CAST: variants seen among roughly 807,000 people sequenced by gnomAD.
CAST encodes MIR583 host.
A neutral mutation model predicts 119.6 loss-of-function variants in CAST; 76 were observed. The ratio of observed to expected loss-of-function variants is 0.64; its 90% CI spans 0.53 to 0.77. The LOEUF is 0.77. Among genes scored for constraint, CAST ranks in the 30% least tolerant of loss-of-function variants. The pLI is 0.00. For missense variants in CAST, 953 were observed against 946.5 expected, an observed-to-expected ratio of 1.01 and a Z score of -0.09; for synonymous variants, 319 against 331.6, an observed-to-expected ratio of 0.96 and a Z score of 0.41.
At chr5:96,576,047 T>C (rs897838020) in intron 1 of CAST, among the ~76,000 whole-genome samples, 2 of 152,260 alleles carry the variant, frequency 1.3e-5, no homozygotes, top group Non-Finnish European at 2.9e-5. Flanking sequence ...CAGCCTTGCA[T>C]ACCCAGAATA....
At chr5:96,509,571 G>T in the CAST span, among the ~76,000 whole-genome samples, 1 of 152,106 alleles carries the variant, frequency 6.6e-6, no homozygotes, top group Non-Finnish European at 1.5e-5. Context: ...TCCATCTTTG[G>T]CCAAAGAAAT....
the CAST span, among the ~76,000 whole-genome samples, chr5:96,060,919 T>C: frequency 1.3e-5 from 2 of 152,174 alleles, no homozygotes; most frequent in Non-Finnish European, 2.9e-5. Context: ...GGTGCTCTTC[T>C]TGGCTTGCAG....
intron 1 of CAST, among the ~76,000 whole-genome samples, chr5:96,547,685 C>T (rs1443849226): frequency 6.6e-6 from 1 of 152,202 alleles, no homozygotes. Flanking sequence ...CAATTGGAGT[C>T]ACTCCCTGAT....
intron 26 of CAST, 121 bp from the exon 27 acceptor site, chr5:96,765,932 A>G (rs1378562703): frequency 1.4e-5 from 9 of 628,006 alleles, no homozygotes; most frequent in Non-Finnish European, 1.7e-5. Context: ...TAAAAAATAA[A>G]AACAGACCAT....
At chr5:96,620,783 G>T (rs1264120548) in intron 1 of CAST, among the ~76,000 whole-genome samples, 1 of 152,174 alleles carries the variant, frequency 6.6e-6, no homozygotes, top group Admixed American at 6.5e-5. Context: ...TATTGGCATA[G>T]CTTTTGGGGG....
chr5:96,257,935 A>T, the CAST span, among the ~76,000 whole-genome samples: 1 of 152,208 alleles, frequency 6.6e-6, no homozygotes, highest in Non-Finnish European at 1.5e-5. Flanking sequence ...ATACAAAGTC[A>T]TGCAAAGGAA....
upstream of CAST, among the ~76,000 whole-genome samples, chr5:96,529,372 GTT>G (rs11397914): frequency 5.5e-5 from 8 of 146,372 alleles, no homozygotes; most frequent in African/African-American, 1.8e-4. Flanking sequence ...TAATCATTGG[GTT>G]TTTTTTTTTT....
At chr5:96,587,521 G>A (rs1746882204) in intron 1 of CAST, among the ~76,000 whole-genome samples, 1 of 152,186 alleles carries the variant, frequency 6.6e-6, no homozygotes, top group South Asian at 2.1e-4. Flanking sequence ...GTGATGAGAG[G>A]GTTGTTGGGA....
the CAST span, among the ~76,000 whole-genome samples, chr5:96,072,557 T>C: frequency 1.2e-4 from 18 of 152,324 alleles, no homozygotes; most frequent in African/African-American, 4.1e-4. Context: ...GTTTTACATA[T>C]TGAGTTTCAG....
the CAST span, among the ~76,000 whole-genome samples, chr5:96,379,051 A>G: frequency 6.6e-6 from 1 of 152,170 alleles, no homozygotes; most frequent in East Asian, 1.9e-4. Context: ...GCAATTAGTT[A>G]TACTCTCTCA....
the CAST span, among the ~76,000 whole-genome samples, chr5:96,454,094 T>C: frequency 6.6e-6 from 1 of 152,162 alleles, no homozygotes; most frequent in African/African-American, 2.4e-5. Flanking sequence ...ATATATCTTT[T>C]TTTTTCCAAC....
the CAST span, among the ~76,000 whole-genome samples, chr5:96,406,614 G>A: frequency 1.5e-4 from 23 of 152,146 alleles, no homozygotes; most frequent in Non-Finnish European, 2.6e-4. Flanking sequence ...GGATCCTAGA[G>A]ATAAACTGGA....
chr5:96,018,492 G>T, the CAST span, among the ~76,000 whole-genome samples: 1 of 152,038 alleles, frequency 6.6e-6, no homozygotes, highest in Non-Finnish European at 1.5e-5. Flanking sequence ...CCTAGACAAT[G>T]CAAAAAAGGG....
At chr5:96,356,047 T>C in the CAST span, among the ~76,000 whole-genome samples, 7 of 152,194 alleles carry the variant, frequency 4.6e-5, no homozygotes, top group Non-Finnish European at 1.0e-4. Flanking sequence ...CATGAGATGG[T>C]ATCTCATTGT....
intron 16 of CAST, among the ~76,000 whole-genome samples, chr5:96,742,974 C>T (rs574159284): frequency 1.1e-4 from 16 of 152,272 alleles, no homozygotes; most frequent in Non-Finnish European, 2.1e-4. Context: ...GAAATGAACA[C>T]GAATCTCCCT....
At chr5:96,335,729 A>G in the CAST span, among the ~76,000 whole-genome samples, 1 of 152,166 alleles carries the variant, frequency 6.6e-6, no homozygotes, top group Non-Finnish European at 1.5e-5. Context: ...TTCGGATTCA[A>G]TTGCTCAAAA....
At chr5:96,024,080 C>T in the CAST span, among the ~76,000 whole-genome samples, 2 of 152,078 alleles carry the variant, frequency 1.3e-5, no homozygotes, top group Non-Finnish European at 2.9e-5. Flanking sequence ...AACTGTAATC[C>T]CCATGAACTG....
chr5:96,397,550 A>C, the CAST span: 1 of 1,313,358 alleles, frequency 7.6e-7, no homozygotes, highest in South Asian at 1.2e-5. Context: ...ACTGAAAATA[A>C]AAGCTGAAAA....
chr5:96,497,790 AT>A, the CAST span, among the ~76,000 whole-genome samples: 1 of 151,874 alleles, frequency 6.6e-6, no homozygotes, highest in Non-Finnish European at 1.5e-5. Flanking sequence ...GGTTGCAAAA[AT>A]TTTCTCCCCT....
Sources: gnomAD v4.1 joint callset for allele counts (sites outside exome capture counted in the v4.1 genomes callset) on GRCh38, gnomAD v4.1.1 for gene constraint, MANE v1.5 for transcripts, NCBI Gene and HGNC (gene_info 2026-07-23, HGNC 2026-07-21) for gene names.